TCF3: variants seen among roughly 807,000 people sequenced by gnomAD.
TCF3 encodes transcription factor E2-alpha.
TCF3 carries 54 observed loss-of-function variants against 72.3 expected under a neutral mutation model. That is an observed-to-expected ratio of 0.75 (90% CI 0.60 to 0.94). The LOEUF is 0.94. Among genes scored for constraint, TCF3 ranks in the 40% least tolerant of loss-of-function variants. The pLI is 0.00. For synonymous variants in TCF3, 525 were observed against 412.6 expected (o/e 1.27, Z -3.30); for missense variants, 1,078 against 934.4 (o/e 1.15, Z -2.00).
rs921834011 is a variant in TCF3, at chr19:1,614,503, G to A, written c.1822+782C>T. 6.6e-6 allele frequency among the ~76,000 whole-genome samples: 1 copy of A among 152,164 alleles called. No homozygotes were observed. On this transcript the variant is annotated intron_variant, in intron 18 of 18. Transcript: ENST00000262965. The surrounding 1 kb of genome is among the most constrained non-coding windows in gnomAD (Gnocchi z 5.6). ...CGGAAGGCAGACAGCAGAGAGGCGG[G>A]CTTGGGGGGCGCGAGGCGTGCCACA...
chr19:1,619,030 C>T (rs1431314521), intron 16 of TCF3, 81 bp downstream of exon 16: 1 of 1,586,864 alleles, frequency 6.3e-7, no homozygotes, highest in African/African-American at 1.3e-5. Context: ...CCTGGGCTCC[C>T]ACCCTGACCC....
In TCF3 at chr19:1,615,238, G is replaced by A. The variant is rs982504065; in HGVS notation, c.1822+47C>T. On this transcript the variant is annotated intron_variant, in intron 18 of 18. Coordinates refer to ENST00000262965, the MANE Select transcript of TCF3 (RefSeq NM_003200.5). This position sits in a 1 kb window ranked among gnomAD's most constrained non-coding sequence, Gnocchi z 7.3. ...AAGGAGAACGAGGGCAGGAACACGA[G>A]GGAGGGTGGCGCTGCAGGGACGCTG... is the stretch of plus-strand genomic sequence containing the variant. 1.3e-6 allele frequency: 2 copies of A among 1,531,932 alleles called. No individual in the cohort carries two copies. Among genetic ancestry groups the A allele is most frequent in the African/African-American group, 1.4e-5 (1 of 72,562 alleles). The allele number at this position is 1,531,932 out of a possible 1,614,324, so 94.9% of individuals were successfully genotyped here.
chr19:1,637,666 T>C (rs1228130001), intron 3 of TCF3, among the ~76,000 whole-genome samples: 2 of 152,050 alleles, frequency 1.3e-5, no homozygotes, highest in South Asian at 2.1e-4. Flanking sequence ...TCCCAGCACT[T>C]TGGGAGGCCA....
intron 7 of TCF3, among the ~76,000 whole-genome samples, chr19:1,625,300 G>T (rs981682147): frequency 6.6e-6 from 1 of 152,252 alleles, no homozygotes; most frequent in Non-Finnish European, 1.5e-5. Flanking sequence ...ATCTGACACA[G>T]AAAGCACATG....
In TCF3 at chr19:1,622,434, T is replaced by TGGTAACCCGGGGGGGGGGGGGGGGGGG; in HGVS notation, c.550-20_550-19insCCCCCCCCCCCCCCCCCCCGGGTTACC. 2.0e-6 allele frequency: 1 copy of TGGTAACCCGGGGGGGGGGGGGGGGGGG among 491,266 alleles called. No individual in the cohort carries two copies. The highest frequency in any genetic ancestry group is 3.5e-6 in the Non-Finnish European group (1 of 287,086). The allele number at this position is 491,266 out of a possible 1,614,324, so 30.4% of individuals were successfully genotyped here. ...GGTACACCTGCGGGCGGGTGGGCGG[T>TGGTAACCCGGGGGGGGGGGGGGGGGGG]GGGGGGTGCAGTCAGGACGGAGGGA... On this transcript the variant is annotated intron_variant, in intron 8 of 18. Coordinates refer to ENST00000262965, the MANE Select transcript of TCF3 (RefSeq NM_003200.5).
intron 2 of TCF3, among the ~76,000 whole-genome samples, chr19:1,649,580 T>C (rs1327430955): frequency 6.6e-6 from 1 of 152,048 alleles, no homozygotes; most frequent in Non-Finnish European, 1.5e-5. Flanking sequence ...CTAGCTAATT[T>C]TTTGAGTTTT....
chr19:1,627,479 G>C (rs1164948629), intron 5 of TCF3, 53 bp from the exon 6 acceptor site: 2 of 1,562,578 alleles, frequency 1.3e-6, no homozygotes. Flanking sequence ...AACATCCTGA[G>C]GGCCCCCGAG....
chr19:1,611,296 C>CTT lies in TCF3; in HGVS notation c.*409_*410dup, dbSNP rs2060965657. On this transcript the variant is annotated 3_prime_UTR_variant, in exon 19 of 19. Transcript: ENST00000262965. ...TGAGTGATATGTTTCCATTTCTCCG[C>CTT]TTTTTATAGTTAAGGCATTTTTTTC... 2.8e-6 allele frequency: 1 copy of CTT among 360,088 alleles called. No homozygotes were observed. Among genetic ancestry groups the CTT allele is most frequent in the African/African-American group, 2.1e-5 (1 of 48,158 alleles). 22.3% of individuals were successfully genotyped at this position (360,088 alleles called of 1,614,324 possible). A position where few individuals can be genotyped will look rare whatever the true frequency, so the allele number is the denominator to read the frequency against.
In TCF3 at chr19:1,609,451, T is replaced by A. The variant is rs1158844853; in HGVS notation, c.*2256A>T. On this transcript the variant is annotated 3_prime_UTR_variant, in exon 19 of 19. Coordinates refer to ENST00000262965, the MANE Select transcript of TCF3 (RefSeq NM_003200.5). ...TTTAAAAAAATTTTTTTGAAAACCATCTTGAGGCACTCAGATCACACCCCC... is the reference window on the plus strand; with the variant it reads ...TTTAAAAAAATTTTTTTGAAAACCAACTTGAGGCACTCAGATCACACCCCC... The A allele has an allele frequency of 4.7e-6, 1 of 211,456 alleles. No homozygotes were observed. The highest frequency in any genetic ancestry group is 2.3e-5 in the African/African-American group (1 of 43,764). The allele number at this position is 211,456 out of a possible 1,614,324, so 13.1% of individuals were successfully genotyped here.
intron 1 of TCF3, chr19:1,651,102 T>C (rs145808631): frequency 2.6e-5 from 6 of 232,270 alleles, no homozygotes; most frequent in African/African-American, 1.3e-4. Flanking sequence ...TCCCGCGTGG[T>C]CCCAGGGGGC....
Position 1,646,291 on chromosome 19 carries a change from ACT to A in TCF3, c.145+62_145+63del, listed in dbSNP as rs1435788423. The A allele has an allele frequency of 1.5e-5, 22 of 1,490,648 alleles. No homozygotes were observed. In the African/African-American group the frequency reaches 2.2e-4, roughly 15 times the overall value. The allele number at this position is 1,490,648 out of a possible 1,614,324, so 92.3% of individuals were successfully genotyped here. On this transcript the variant is annotated intron_variant, in intron 3 of 18. Transcript: ENST00000262965. Reference sequence around the variant, plus strand: ...CTGCCCCAGCCTCCCTCGCCCGCACACTGTCTTCAACAGACCCTTGATCTCCT... The same window carrying A: ...CTGCCCCAGCCTCCCTCGCCCGCACAGTCTTCAACAGACCCTTGATCTCCT...
chr19:1,631,410 A>G (rs1164316303), intron 5 of TCF3, among the ~76,000 whole-genome samples: 1 of 151,814 alleles, frequency 6.6e-6, no homozygotes, highest in African/African-American at 2.4e-5. Flanking sequence ...TTGGCACTAT[A>G]AGCATCCAAC....
At chr19:1,622,963 T>C (rs2062430428) in intron 8 of TCF3, among the ~76,000 whole-genome samples, 1 of 152,044 alleles carries the variant, frequency 6.6e-6, no homozygotes, top group Non-Finnish European at 1.5e-5. Context: ...GAGCGGGAAG[T>C]ATGCTGGGTG....
chr19:1,619,576 C>T (rs2061927327), intron 14 of TCF3, 102 bp from the exon 15 acceptor site: 3 of 1,454,014 alleles, frequency 2.1e-6, no homozygotes, highest in Non-Finnish European at 2.7e-6. Context: ...GTCCCATCTT[C>T]CCCTTCCCCA....
chr19:1,615,662 G>A lies in TCF3; in HGVS notation c.1586+24C>T, dbSNP rs1164575316. 2 of 1,612,446 alleles carry A rather than the reference G, an allele frequency of 1.2e-6. No individual in the cohort carries two copies. Among genetic ancestry groups the A allele is most frequent in the Admixed American group, 1.7e-5 (1 of 59,960 alleles). ...TGCGTCCTGATGGGGTGAGGGTGGG[G>A]AGTGCCGAGGGGTGGGTTGGCACCT... On this transcript the variant is annotated intron_variant, in intron 17 of 18. Coordinates refer to ENST00000262965, the MANE Select transcript of TCF3 (RefSeq NM_003200.5). The surrounding 1 kb of genome is among the most constrained non-coding windows in gnomAD (Gnocchi z 7.3).
At chr19:1,625,742 C>T in intron 6 of TCF3, 34 bp from the exon 7 acceptor site, 1 of 1,468,608 alleles carries the variant, frequency 6.8e-7, no homozygotes. Context: ...AAGCGCCCAG[C>T]TGGCATCCAG....
At chr19:1,642,927 C>T (rs1225121416) in intron 3 of TCF3, among the ~76,000 whole-genome samples, 2 of 152,170 alleles carry the variant, frequency 1.3e-5, no homozygotes, top group African/African-American at 2.4e-5. Context: ...TCACTCTGAC[C>T]GTGTGTCACA....
At position 1,622,204 on chromosome 19, in the gene TCF3, T is replaced by G; in HGVS notation, c.672A>C (p.Ser224=). ...GGCCCGGGGGACTCCAGAGCTCGGC[T>G]GAGGGGTGCAGGCTGCCATCTGTGG... is the stretch of plus-strand genomic sequence containing the variant. ...FYVADGSLHP[S]AELWSPPGQA... The change falls in exon 10 of 19, where the codon TCA becomes TCC. Residue 224 remains serine, a synonymous_variant. Coordinates refer to ENST00000262965, the MANE Select transcript of TCF3 (RefSeq NM_003200.5). The G allele has an allele frequency of 6.4e-7, 1 of 1,558,082 alleles. No individual in the cohort carries two copies. The highest frequency in any genetic ancestry group is 8.7e-7 in the Non-Finnish European group (1 of 1,153,312).
At chr19:1,647,178 C>T (rs752686321) in intron 2 of TCF3, among the ~76,000 whole-genome samples, 4 of 152,106 alleles carry the variant, frequency 2.6e-5, no homozygotes, top group Admixed American at 1.3e-4. Context: ...CCGGCTCACC[C>T]GTACCCAGAA....
Sources: gnomAD v4.1 joint callset for allele counts (sites outside exome capture counted in the v4.1 genomes callset) on GRCh38, gnomAD v4.1.1 for gene constraint, Gnocchi (gnomAD v3.1) non-coding constraint, MANE v1.5 for transcripts, NCBI Gene and HGNC (gene_info 2026-07-23, HGNC 2026-07-21) for gene names.